The following CNTN6 variants were observed in gnomAD, a reference collection of about 807,000 sequenced individuals.
CNTN6 encodes contactin-6.
CNTN6 carries 137 observed loss-of-function variants against 122.8 expected under a neutral mutation model. That is an observed-to-expected ratio of 1.12 (90% CI 0.97 to 1.29). The LOEUF is 1.29. Ranked by LOEUF, CNTN6 falls within the 50% of genes most tolerant of loss-of-function variation. CNTN6 has a pLI of 0.00. For missense variants in CNTN6, 1,634 were observed against 1,223.4 expected, an observed-to-expected ratio of 1.34 and a Z score of -5.01; for synonymous variants, 570 against 426.0, an observed-to-expected ratio of 1.34 and a Z score of -4.16.
chr3:1,178,069 T>G (rs1024192593), intron 2 of CNTN6, among the ~76,000 whole-genome samples: 1 of 151,854 alleles, frequency 6.6e-6, no homozygotes, highest in Non-Finnish European at 1.5e-5. Context: ...CCTGATTAAT[T>G]TTTGTATTTT....
intron 5 of CNTN6, among the ~76,000 whole-genome samples, chr3:1,285,664 C>A (rs987345120): frequency 2.0e-5 from 3 of 152,130 alleles, no homozygotes; most frequent in Admixed American, 2.0e-4. Flanking sequence ...TGTTAGCTAA[C>A]AACTATAGTT....
intron 19 of CNTN6, 68 bp from the exon 20 acceptor site, chr3:1,385,540 AGTT>A (rs1430359832): frequency 7.3e-6 from 9 of 1,228,514 alleles, no homozygotes; most frequent in African/African-American, 6.1e-5. Context: ...TGTGGTTGAT[AGTT>A]GTTGGTAAAA....
intron 1 of CNTN6, among the ~76,000 whole-genome samples, chr3:1,131,939 G>A (rs540590839): frequency 5.0e-4 from 76 of 152,178 alleles, no homozygotes; most frequent in Admixed American, 7.2e-4. Context: ...TCCCCAGGAG[G>A]CAATAGAGAA....
rs1697232949 is a variant in CNTN6, at chr3:1,300,708, C to G, written c.761+2717C>G. On this transcript the variant is annotated intron_variant, in intron 7 of 22. Coordinates refer to ENST00000446702, the MANE Select transcript of CNTN6 (RefSeq NM_001289080.2). Reference sequence around the variant, plus strand: ...TTATTTATTTTTATATTATTCAAACCTATAGAAAAGTTGAAAGAGTAACAC... The same window carrying G: ...TTATTTATTTTTATATTATTCAAACGTATAGAAAAGTTGAAAGAGTAACAC... Among the ~76,000 whole-genome samples the G allele has an allele frequency of 3.3e-5, 5 of 151,986 alleles. 1 individual carries two copies. The South Asian group carries it at 1.0e-3, about 32-fold the overall frequency.
chr3:1,264,191 T>C (rs1453901599), intron 4 of CNTN6, among the ~76,000 whole-genome samples: 3 of 152,124 alleles, frequency 2.0e-5, no homozygotes, highest in East Asian at 1.9e-4. Flanking sequence ...CAAATATTTT[T>C]TGAGTACCTA....
chr3:1,367,017 T>G (rs78285477), intron 12 of CNTN6, among the ~76,000 whole-genome samples: 1 of 152,164 alleles, frequency 6.6e-6, no homozygotes, highest in African/African-American at 2.4e-5. Context: ...AAAAAATGCA[T>G]TTCTAAAATT....
chr3:1,399,074 C>A (rs912056106), intron 20 of CNTN6, among the ~76,000 whole-genome samples: 1 of 152,050 alleles, frequency 6.6e-6, no homozygotes, highest in Non-Finnish European at 1.5e-5. Flanking sequence ...AATACTTTTT[C>A]CTAAAACAAA....
At chr3:1,280,987 A>T (rs748302010) in intron 5 of CNTN6, among the ~76,000 whole-genome samples, 9 of 152,158 alleles carry the variant, frequency 5.9e-5, no homozygotes, top group Non-Finnish European at 8.8e-5. Flanking sequence ...CGAACATTTC[A>T]AATTTCTTTA....
At chr3:1,225,354 G>A (rs1008264656) in intron 3 of CNTN6, among the ~76,000 whole-genome samples, 3 of 152,130 alleles carry the variant, frequency 2.0e-5, no homozygotes, top group Non-Finnish European at 4.4e-5. Context: ...TGATCTATAT[G>A]TACAGTTTAA....
At chr3:1,202,543 AAAATAAATAAAT>A (rs201394766) in intron 2 of CNTN6, among the ~76,000 whole-genome samples, 18,216 of 126,502 alleles carry the variant, frequency 0.14, 1,995 homozygotes, top group East Asian at 0.57. Context: ...TCCGTCTCAA[AAAATAAATAAAT>A]AAATAAATAA....
chr3:1,268,998 TAAAATA>T (rs925264739), intron 4 of CNTN6, among the ~76,000 whole-genome samples: 11 of 150,320 alleles, frequency 7.3e-5, no homozygotes, highest in African/African-American at 2.3e-4. Context: ...ATAAAATAAA[TAAAATA>T]AAAATAAAAA....
chr3:1,298,468 T>C (rs1039058826), intron 7 of CNTN6: 1 of 152,482 alleles, frequency 6.6e-6, no homozygotes, highest in African/African-American at 2.4e-5. Context: ...TCATAGTGGG[T>C]AATTAGAATT....
intron 2 of CNTN6, among the ~76,000 whole-genome samples, chr3:1,202,995 G>A (rs1043263744): frequency 3.9e-5 from 6 of 152,168 alleles, no homozygotes; most frequent in Non-Finnish European, 1.5e-5. Context: ...AGAGTAATAG[G>A]AAGAATAAGT....
At chr3:1,244,628 C>A (rs968740897) in intron 4 of CNTN6, among the ~76,000 whole-genome samples, 1 of 152,170 alleles carries the variant, frequency 6.6e-6, no homozygotes, top group Non-Finnish European at 1.5e-5. Context: ...AAATTTCATG[C>A]GTGTCTGTGT....
At chr3:1,110,581 G>C (rs1382835795) in intron 1 of CNTN6, among the ~76,000 whole-genome samples, 5 of 152,056 alleles carry the variant, frequency 3.3e-5, no homozygotes, top group Non-Finnish European at 5.9e-5. Flanking sequence ...TACAGACGAA[G>C]CTTGAAGGAA....
intron 4 of CNTN6, among the ~76,000 whole-genome samples, chr3:1,262,154 C>T (rs541737806): frequency 6.6e-6 from 1 of 152,150 alleles, no homozygotes; most frequent in Non-Finnish European, 1.5e-5. Context: ...TCTGCAGTTA[C>T]AGATGTGCGG....
At chr3:1,261,703 CCTACAGTGG>C (rs2094849536) in intron 4 of CNTN6, among the ~76,000 whole-genome samples, 1 of 152,116 alleles carries the variant, frequency 6.6e-6, no homozygotes, top group Non-Finnish European at 1.5e-5. Context: ...ATATGGGGCA[CCTACAGTGG>C]CTGCTACAAT....
intron 1 of CNTN6, among the ~76,000 whole-genome samples, chr3:1,142,877 T>A (rs896975404): frequency 2.0e-5 from 3 of 151,622 alleles, no homozygotes. Context: ...AATTTGTGTG[T>A]ACAAATTTAT....
Position 1,329,828 on chromosome 3 carries a change from T to C in CNTN6, c.1257T>C (p.Ser419=). 6.2e-7 allele frequency: 1 copy of C among 1,609,362 alleles called. No homozygotes were observed. Among genetic ancestry groups the C allele is most frequent in the African/African-American group, 1.3e-5 (1 of 74,736 alleles). ...CCAAAAGTCCAGTTAAAAAAAAGTC[T>C]TTTGTTCAAGTTGGTGGGGATATTG... ...DFSKSPVKKK[S]FVQVGGDIVI... Residue 419 remains serine, a synonymous_variant, in exon 11 of 23, where the codon TCT becomes TCC. Coordinates refer to ENST00000446702, the MANE Select transcript of CNTN6 (RefSeq NM_001289080.2).
Sources: gnomAD v4.1 joint callset for allele counts (sites outside exome capture counted in the v4.1 genomes callset) on GRCh38, gnomAD v4.1.1 for gene constraint, MANE v1.5 for transcripts, NCBI Gene and HGNC (gene_info 2026-07-23, HGNC 2026-07-21) for gene names.